Variants in CC2D2B observed in about 807,000 individuals in gnomAD.
CC2D2B encodes coiled-coil and C2 domain containing 2B.
In CC2D2B, 128 loss-of-function variants were observed where a neutral mutation model predicts 161.2. The ratio of observed to expected loss-of-function variants is 0.79; its 90% CI spans 0.69 to 0.92. The LOEUF (loss-of-function observed/expected upper bound fraction) is 0.92. Among genes scored for constraint, CC2D2B ranks in the 40% least tolerant of loss-of-function variants. CC2D2B has a pLI of 0.00. For synonymous variants in CC2D2B, 391 were observed against 449.8 expected, an observed-to-expected ratio of 0.87 and a Z score of 1.65; for missense variants, 1,173 against 1,375.1, an observed-to-expected ratio of 0.85 and a Z score of 2.32.
intron 22 of CC2D2B, among the ~76,000 whole-genome samples, chr10:95,994,611 C>A (rs956890502): frequency 1.3e-5 from 2 of 152,164 alleles, no homozygotes; most frequent in Non-Finnish European, 2.9e-5. Flanking sequence ...GTAACGAGTG[C>A]CTTCCCAGAC....
rs1431027217 is a variant in CC2D2B at position 96,025,202 on chromosome 10, T to A, written c.3947+291T>A. On this transcript the variant is annotated intron_variant, in intron 33 of 34. Coordinates refer to ENST00000646931, the MANE Select transcript of CC2D2B (RefSeq NM_001349008.3). ...ATATATATAAAAAAAAATATATATA[T>A]ATATATATATATATATATAGCTGGG... is the stretch of plus-strand genomic sequence containing the variant. 1.4e-3 allele frequency among the ~76,000 whole-genome samples: 173 copies of A among 123,258 alleles called. 8 individuals are homozygous for A. Among genetic ancestry groups the A allele is most frequent in the South Asian group, 9.2e-3 (32 of 3,492 alleles). 80.9% of individuals were successfully genotyped at this position (123,258 alleles called of 152,430 possible). A position where few individuals can be genotyped will look rare whatever the true frequency, so the allele number is the denominator to read the frequency against.
chr10:96,031,951 C>T lies in CC2D2B; in HGVS notation c.4257C>T (p.Tyr1419=), dbSNP rs1445188928. Residue 1419 remains tyrosine, a synonymous_variant, in exon 35 of 35, where the codon TAC becomes TAT. Coordinates refer to ENST00000646931, the MANE Select transcript of CC2D2B (RefSeq NM_001349008.3). ...EFALAVYIHP[Y]PNNILSVWVY... is the part of the protein sequence containing the mutation. ...CTTTAGCTGTATACATTCACCCATA[C>T]CCAAACAACATATTATCTGTGTGGG... 2.5e-6 allele frequency: 4 copies of T among 1,613,690 alleles called. No homozygotes were observed. The East Asian group carries it at 6.7e-5, about 27-fold the overall frequency.
chr10:96,016,342 A>C (rs762356838), intron 30 of CC2D2B, 28 bp downstream of exon 30: 2 of 1,406,376 alleles, frequency 1.4e-6, no homozygotes, highest in East Asian at 4.6e-5. Flanking sequence ...TATTGAAATA[A>C]TGTAAGCAAA....
intron 17 of CC2D2B, among the ~76,000 whole-genome samples, chr10:95,974,494 G>A (rs1452684993): frequency 6.6e-6 from 1 of 152,058 alleles, no homozygotes; most frequent in African/African-American, 2.4e-5. Flanking sequence ...AATCATTTAT[G>A]CATTATCATC....
chr10:96,029,831 G>A (rs1416676500), intron 34 of CC2D2B, among the ~76,000 whole-genome samples: 31 of 145,912 alleles, frequency 2.1e-4, no homozygotes, highest in Non-Finnish European at 4.5e-5. Context: ...TTTTTTTTGC[G>A]ACGAGGTCTC....
In CC2D2B at chr10:96,009,876, C is replaced by A; in HGVS notation, c.2998C>A (p.Leu1000Ile). 1 of 1,610,116 alleles carries A rather than the reference C, an allele frequency of 6.2e-7. No homozygotes were observed. The highest frequency in any genetic ancestry group is 1.1e-5 in the South Asian group (1 of 90,488). The change falls in exon 26 of 35, where the codon CTT becomes ATT. Residue 1000 changes from leucine to isoleucine, a missense_variant. Leu to Ile is a conservative substitution (Grantham distance 5). Transcript: ENST00000646931. ...SGHSYIRKNW[L>I]GCIVFPFSAL... ...TCACTCATATATAAGAAAGAATTGG[C>A]TTGGATGCATTGTCTTCCCTTTTTC...
chr10:96,025,112 C>A, intron 33 of CC2D2B, among the ~76,000 whole-genome samples: 1 of 130,138 alleles, frequency 7.7e-6, no homozygotes, highest in Non-Finnish European at 1.6e-5. Context: ...AGTTTGAGAC[C>A]AGCCTGGGCA....
In CC2D2B at chr10:95,963,958, G is replaced by A. The variant is rs140568370; in HGVS notation, c.1251-1938G>A. Among the ~76,000 whole-genome samples, 5 of 152,188 alleles carry A rather than the reference G, an allele frequency of 3.3e-5. No individual in the cohort carries two copies. The East Asian group carries it at 7.7e-4, about 23-fold the overall frequency. ...CTTAGAGAGACTGGGTGGGTCAGTCGCTATAGATGATAGATTGTATTTTCT... is the reference window on the plus strand; with the variant it reads ...CTTAGAGAGACTGGGTGGGTCAGTCACTATAGATGATAGATTGTATTTTCT... On this transcript the variant is annotated intron_variant, in intron 12 of 34. Coordinates refer to ENST00000646931, the MANE Select transcript of CC2D2B (RefSeq NM_001349008.3).
chr10:95,913,597 T>C (rs1439470816), intron 2 of CC2D2B, among the ~76,000 whole-genome samples: 2 of 152,182 alleles, frequency 1.3e-5, no homozygotes, highest in African/African-American at 4.8e-5. Context: ...TGTATTAGGG[T>C]TGCCCTTTCT....
intron 7 of CC2D2B, 180 bp downstream of exon 7, chr10:95,938,369 T>TA: frequency 9.8e-6 from 6 of 611,438 alleles, no homozygotes; most frequent in Non-Finnish European, 1.7e-5. Flanking sequence ...ATTCTTCATT[T>TA]AAAAAATGTA....
chr10:95,993,950 G>T (rs11188546), intron 22 of CC2D2B, among the ~76,000 whole-genome samples: 27 of 13,706 alleles, frequency 2.0e-3, no homozygotes, highest in Non-Finnish European at 2.9e-3. Context: ...GTGTATGTAT[G>T]TGTATATATA....
Position 95,996,173 on chromosome 10 carries a change from T to G in CC2D2B, c.2770T>G (p.Phe924Val). 2 of 1,511,502 alleles carry G rather than the reference T, an allele frequency of 1.3e-6. No homozygotes were observed. The highest frequency in any genetic ancestry group is 2.8e-5 in the African/African-American group (2 of 72,710). The allele number at this position is 1,511,502 out of a possible 1,614,324, so 93.6% of individuals were successfully genotyped here. A position where few individuals can be genotyped will look rare whatever the true frequency, so the allele number is the denominator to read the frequency against. ...TGTACATCCATTCGTGGAAGTTTCT[T>G]TCCAGCACACTGTATACAAAACCAA... The part of the protein sequence containing the change: ...DTVHPFVEVS[F>V]QHTVYKTNTA... The change falls in exon 24 of 35, where the codon TTC becomes GTC. Residue 924 changes from phenylalanine to valine, a missense_variant. This residue lies in a region of CC2D2B where 598 missense variants were observed against 693.2 expected (regional missense o/e 0.86). Coordinates refer to ENST00000646931, the MANE Select transcript of CC2D2B (RefSeq NM_001349008.3).
chr10:96,020,681 T>C (rs2079413768), intron 32 of CC2D2B: 1 of 152,100 alleles, frequency 6.6e-6, no homozygotes, highest in Admixed American at 6.6e-5. Flanking sequence ...AGACAATTCA[T>C]AGAAGCAGTA....
chr10:96,011,873 CT>C (rs1444074106), intron 26 of CC2D2B, among the ~76,000 whole-genome samples: 1 of 152,102 alleles, frequency 6.6e-6, no homozygotes, highest in Non-Finnish European at 1.5e-5. Context: ...CTTTTAACTT[CT>C]TCTCTGAGCC....
intron 19 of CC2D2B, among the ~76,000 whole-genome samples, chr10:95,985,823 AG>A (rs2077696117): frequency 6.6e-6 from 1 of 152,170 alleles, no homozygotes; most frequent in Non-Finnish European, 1.5e-5. Flanking sequence ...ATGTGTGCCT[AG>A]GGGTAGGCTT....
At chr10:95,979,241 T>C (rs575462013) in intron 17 of CC2D2B, among the ~76,000 whole-genome samples, 1 of 151,998 alleles carries the variant, frequency 6.6e-6, no homozygotes, top group African/African-American at 2.4e-5. Flanking sequence ...TGAATTTGAC[T>C]TCATCTGTCC....
intron 11 of CC2D2B, among the ~76,000 whole-genome samples, chr10:95,957,465 C>T (rs988410411): frequency 2.8e-4 from 43 of 151,694 alleles, no homozygotes; most frequent in African/African-American, 9.9e-4. Flanking sequence ...CACACATACC[C>T]AGGGAAAGGC....
At chr10:95,924,900 T>C in intron 5 of CC2D2B, 56 bp downstream of exon 5, 1 of 1,100,034 alleles carries the variant, frequency 9.1e-7, no homozygotes, top group Non-Finnish European at 1.3e-6. Flanking sequence ...AAGTATAGTT[T>C]ACATAGCAAA....
intron 12 of CC2D2B, among the ~76,000 whole-genome samples, chr10:95,963,830 T>C (rs1484482559): frequency 1.3e-5 from 2 of 152,176 alleles, no homozygotes; most frequent in African/African-American, 4.8e-5. Context: ...TTTTATAAAG[T>C]TACAGCGGCA....
Sources: allele counts gnomAD v4.1 joint callset (sites outside exome capture counted in the v4.1 genomes callset), GRCh38; gene constraint gnomAD v4.1.1; regional missense constraint gnomAD v4.1.1; transcripts MANE v1.5; gene names NCBI Gene and HGNC (gene_info 2026-07-23, HGNC 2026-07-21).